The following MAP3K7 variants were observed in gnomAD, a reference collection of about 807,000 sequenced individuals.
MAP3K7 encodes the protein TGF-beta activated kinase 1.
A neutral mutation model predicts 84.8 loss-of-function variants in MAP3K7; 21 were observed. That is an observed-to-expected ratio of 0.25 (90% confidence interval 0.18 to 0.36). The LOEUF (loss-of-function observed/expected upper bound fraction) is 0.36. Among genes scored for constraint, MAP3K7 ranks in the 10% least tolerant of loss-of-function variants. The pLI, the probability that MAP3K7 is intolerant of heterozygous loss-of-function variation, is 1.00. For synonymous variants in MAP3K7, 241 were observed against 247.7 expected (o/e 0.97, Z 0.25); for missense variants, 503 against 747.7 (o/e 0.67, Z 3.82).
At chr6:90,576,918 A>G (rs969042667) in intron 1 of MAP3K7, among the ~76,000 whole-genome samples, 16 of 152,238 alleles carry the variant, frequency 1.1e-4, no homozygotes, top group Non-Finnish European at 1.5e-5. Context: ...TCTACCTACC[A>G]TAAAAAGGAG....
intron 4 of MAP3K7, among the ~76,000 whole-genome samples, chr6:90,560,628 G>A (rs1319917018): frequency 6.6e-6 from 1 of 152,104 alleles, no homozygotes; most frequent in Non-Finnish European, 1.5e-5. Context: ...CCAAAGTGCT[G>A]GGATTACAGG....
intron 3 of MAP3K7, among the ~76,000 whole-genome samples, chr6:90,563,081 T>C (rs973497434): frequency 2.0e-5 from 3 of 152,042 alleles, no homozygotes; most frequent in Non-Finnish European, 1.5e-5. Flanking sequence ...TATGTCACCA[T>C]CATCAAAGAC....
rs190354980 is a variant in MAP3K7, at chr6:90,519,244, A to C, written c.1524+14T>G. On this transcript the variant is annotated intron_variant, in intron 15 of 16. Transcript: ENST00000369329. Reference sequence around the variant, plus strand: ...AGAAAAAAGTCAACTTTCAATAAGAAAGTACTCCTTTACCTGTAGTTGGTG... The same window carrying C: ...AGAAAAAAGTCAACTTTCAATAAGACAGTACTCCTTTACCTGTAGTTGGTG... 1.2e-3 allele frequency: 1,917 copies of C among 1,571,030 alleles called. 4 individuals are homozygous for C. Among genetic ancestry groups the C allele is most frequent in the Non-Finnish European group, 1.6e-3 (1,849 of 1,150,330 alleles).
intron 13 of MAP3K7, among the ~76,000 whole-genome samples, chr6:90,531,737 G>A (rs1032645877): frequency 2.6e-5 from 4 of 152,126 alleles, no homozygotes; most frequent in Admixed American, 2.6e-4. Context: ...CAGATCGCTT[G>A]AGGCCAGAAG....
At chr6:90,561,587 A>C in intron 4 of MAP3K7, 35 bp downstream of exon 4, 1 of 1,500,010 alleles carries the variant, frequency 6.7e-7, no homozygotes, top group Non-Finnish European at 9.2e-7. Context: ...AATTATTTTA[A>C]TCCACTAGAT....
chr6:90,563,240 G>T (rs1776586385), intron 3 of MAP3K7, among the ~76,000 whole-genome samples: 1 of 152,218 alleles, frequency 6.6e-6, no homozygotes, highest in African/African-American at 2.4e-5. Context: ...GTTGAGAGAA[G>T]AAGGCTTCAG....
At chr6:90,584,292 T>A (rs2127787107) in intron 1 of MAP3K7, among the ~76,000 whole-genome samples, 1 of 152,296 alleles carries the variant, frequency 6.6e-6, no homozygotes, top group South Asian at 2.1e-4. Context: ...TAACACTGGT[T>A]TAATGTATGC....
chr6:90,525,925 G>C (rs9353741), intron 13 of MAP3K7, among the ~76,000 whole-genome samples: 1 of 149,804 alleles, frequency 6.7e-6, no homozygotes, highest in Non-Finnish European at 1.5e-5. Flanking sequence ...AGCTCAAGGA[G>C]GTATCGTCAA....
intron 1 of MAP3K7, among the ~76,000 whole-genome samples, chr6:90,576,419 T>TCACACACACACACACACACA (rs11468988): frequency 2.2e-5 from 3 of 136,876 alleles, no homozygotes; most frequent in Non-Finnish European, 3.1e-5. Flanking sequence ...CTAGACTCTG[T>TCACACACACACACACACACA]CACACACACA....
chr6:90,548,001 GACTACTGGTAAGGTTACCAGTTTT>G (rs1198751370), intron 10 of MAP3K7, 22 bp downstream of exon 10: 1 of 1,511,332 alleles, frequency 6.6e-7, no homozygotes. Flanking sequence ...ATAATATTGT[GACTACTGGTAAGGTTACCAGTTTT>G]ACTTGTAATA....
intron 3 of MAP3K7, among the ~76,000 whole-genome samples, chr6:90,564,482 C>T (rs575964036): frequency 2.9e-4 from 44 of 152,246 alleles, no homozygotes; most frequent in South Asian, 6.2e-4. Flanking sequence ...AAGGCCATTA[C>T]ATAATGGTAA....
At chr6:90,560,469 C>T (rs768435657) in intron 4 of MAP3K7, among the ~76,000 whole-genome samples, 3 of 152,182 alleles carry the variant, frequency 2.0e-5, no homozygotes, top group African/African-American at 7.2e-5. Context: ...TCAAGCGATT[C>T]TCCTGGCTCA....
chr6:90,568,210 T>G (rs559370762), intron 3 of MAP3K7, among the ~76,000 whole-genome samples: 98 of 152,104 alleles, frequency 6.4e-4, no homozygotes, highest in Non-Finnish European at 1.1e-3. Flanking sequence ...ACTTAAAGTA[T>G]AATAAAAAAA....
chr6:90,561,691 C>T (rs1357196840), intron 3 of MAP3K7, 24 bp from the exon 4 acceptor site: 1 of 1,582,536 alleles, frequency 6.3e-7, no homozygotes, highest in Admixed American at 1.7e-5. Flanking sequence ...ATATCAGAAG[C>T]ATTAACCAAG....
intron 1 of MAP3K7, among the ~76,000 whole-genome samples, chr6:90,577,187 T>C (rs1031855388): frequency 3.9e-5 from 6 of 152,198 alleles, no homozygotes; most frequent in African/African-American, 1.4e-4. Flanking sequence ...TAGGGTTTGC[T>C]GATGCTCTGC....
At chr6:90,542,387 T>C in intron 12 of MAP3K7, 1 of 982,844 alleles carries the variant, frequency 1.0e-6, no homozygotes, top group African/African-American at 1.7e-5. Flanking sequence ...GAATATTTAA[T>C]AAAAGGTATT....
intron 5 of MAP3K7, among the ~76,000 whole-genome samples, chr6:90,558,903 T>G (rs1410027466): frequency 6.6e-6 from 1 of 152,250 alleles, no homozygotes; most frequent in African/African-American, 2.4e-5. Flanking sequence ...AAGAATGCTT[T>G]GGCTGTATCT....
At chr6:90,547,731 G>T (rs1157370809) in intron 10 of MAP3K7, among the ~76,000 whole-genome samples, 1 of 152,130 alleles carries the variant, frequency 6.6e-6, no homozygotes, top group Non-Finnish European at 1.5e-5. Context: ...GATAGACTTA[G>T]AACAACTCCT....
intron 13 of MAP3K7, among the ~76,000 whole-genome samples, chr6:90,533,022 A>C (rs983760323): frequency 6.6e-6 from 1 of 152,192 alleles, no homozygotes; most frequent in Non-Finnish European, 1.5e-5. Context: ...TGGCAGTATA[A>C]GGAAGTAAGA....
Sources: allele counts gnomAD v4.1 joint callset (sites outside exome capture counted in the v4.1 genomes callset), GRCh38; gene constraint gnomAD v4.1.1; transcripts MANE v1.5; gene names NCBI Gene and HGNC (gene_info 2026-07-23, HGNC 2026-07-21).